The following STAU2 variants were observed in gnomAD, a reference collection of about 807,000 sequenced individuals.
The protein encoded by STAU2 is staufen double-stranded RNA binding protein 2.
Under a neutral mutation model 65.9 loss-of-function variants are expected in STAU2, and 20 were observed. The observed-to-expected ratio is 0.30, with a 90% confidence interval of 0.21 to 0.44. The LOEUF is 0.44. Ranked by LOEUF, STAU2 falls within the 20% of genes least tolerant of loss-of-function variation. STAU2 has a pLI of 1.00. For missense variants in STAU2, 558 were observed against 683.9 expected, an observed-to-expected ratio of 0.82 and a Z score of 2.05; for synonymous variants, 232 against 233.9, an observed-to-expected ratio of 0.99 and a Z score of 0.07.
intron 6 of STAU2, among the ~76,000 whole-genome samples, chr8:73,649,332 T>G (rs560622269): frequency 2.2e-4 from 33 of 152,318 alleles, no homozygotes; most frequent in African/African-American, 7.0e-4. Context: ...TGCTTACCAT[T>G]TAAGTAAAGA....
chr8:73,672,348 GT>G (rs1263181570), intron 6 of STAU2: 1 of 145,114 alleles, frequency 6.9e-6, no homozygotes, highest in African/African-American at 2.6e-5. Context: ...AGAAGGATGT[GT>G]CAAAGACAAA....
chr8:73,470,127 A>G (rs1389284406), intron 13 of STAU2, among the ~76,000 whole-genome samples: 1 of 152,130 alleles, frequency 6.6e-6, no homozygotes, highest in Non-Finnish European at 1.5e-5. Flanking sequence ...TCTTCTTTAC[A>G]CTAGTGAATT....
intron 13 of STAU2, among the ~76,000 whole-genome samples, chr8:73,483,970 C>A (rs1820780156): frequency 6.6e-6 from 1 of 152,054 alleles, no homozygotes; most frequent in Non-Finnish European, 1.5e-5. Flanking sequence ...TCAGCCACAG[C>A]GTCAGGAAGG....
intron 13 of STAU2, among the ~76,000 whole-genome samples, chr8:73,446,921 T>A (rs1406405423): frequency 6.6e-6 from 1 of 152,152 alleles, no homozygotes; most frequent in Non-Finnish European, 1.5e-5. Flanking sequence ...GTGGTGTGCA[T>A]CTTATTTGTT....
At chr8:73,544,966 A>G (rs2128939278) in intron 13 of STAU2, among the ~76,000 whole-genome samples, 1 of 152,294 alleles carries the variant, frequency 6.6e-6, no homozygotes, top group South Asian at 2.1e-4. Flanking sequence ...ATGTTTAGCA[A>G]GTTTAGCATG....
At chr8:73,500,404 T>TA (rs1409842878) in intron 13 of STAU2, among the ~76,000 whole-genome samples, 5 of 151,918 alleles carry the variant, frequency 3.3e-5, no homozygotes, top group Non-Finnish European at 7.4e-5. Context: ...ATTTTTTTTT[T>TA]CCAATTATTT....
chr8:73,501,179 C>T (rs1020529584), intron 13 of STAU2, among the ~76,000 whole-genome samples: 7 of 151,480 alleles, frequency 4.6e-5, no homozygotes, highest in Non-Finnish European at 1.0e-4. Flanking sequence ...GCAAACTTTC[C>T]TACTTAAAAA....
intron 8 of STAU2, among the ~76,000 whole-genome samples, chr8:73,614,724 C>T (rs1478075798): frequency 2.0e-5 from 3 of 151,940 alleles, no homozygotes; most frequent in Admixed American, 2.0e-4. Flanking sequence ...AATAATAAAA[C>T]TGTCTGTTCT....
At chr8:73,508,068 C>A (rs1822169899) in intron 13 of STAU2, among the ~76,000 whole-genome samples, 1 of 152,188 alleles carries the variant, frequency 6.6e-6, no homozygotes, top group Non-Finnish European at 1.5e-5. Flanking sequence ...CCATATCAGC[C>A]ATAAGGCTGT....
chr8:73,636,427 T>C (rs953820956), intron 6 of STAU2, among the ~76,000 whole-genome samples: 1 of 151,896 alleles, frequency 6.6e-6, no homozygotes, highest in Non-Finnish European at 1.5e-5. Flanking sequence ...TAATAGAATC[T>C]AGGTTCTACA....
chr8:73,494,588 G>A (rs1821306090), intron 13 of STAU2, among the ~76,000 whole-genome samples: 2 of 151,718 alleles, frequency 1.3e-5, no homozygotes, highest in Admixed American at 6.6e-5. Context: ...GTTCATCTAT[G>A]GCAAATGTCA....
At chr8:73,451,402 C>T (rs1239686825) in intron 13 of STAU2, among the ~76,000 whole-genome samples, 1 of 151,976 alleles carries the variant, frequency 6.6e-6, no homozygotes, top group Non-Finnish European at 1.5e-5. Context: ...CCACTGAGCT[C>T]AGTTGGGGAA....
At position 73,677,487 on chromosome 8, in the gene STAU2, C is replaced by T. The variant is rs1818104621; in HGVS notation, c.275-4245G>A. ...AATATGTAAATTATGTATACTTATG[C>T]AATAGAATACTACATAGCAATGAAA... is the stretch of plus-strand genomic sequence containing the variant. On this transcript the variant is annotated intron_variant, in intron 5 of 14. Coordinates refer to ENST00000524300, the MANE Select transcript of STAU2 (RefSeq NM_001164380.2). Among the ~76,000 whole-genome samples, 5 of 152,062 alleles carry T rather than the reference C, an allele frequency of 3.3e-5. No homozygotes were observed. The South Asian group carries it at 1.0e-3, about 32-fold the overall frequency.
rs1554595598 is a variant in STAU2 at position 73,481,524 on chromosome 8, A to AAAC, written c.1531-58823_1531-58822insGTT. Among the ~76,000 whole-genome samples the AAAC allele has an allele frequency of 3.3e-5, 5 of 150,266 alleles. 1 individual carries two copies. Among genetic ancestry groups the AAAC allele is most frequent in the South Asian group, 4.4e-4 (2 of 4,596 alleles). ...CCAAAAAAACAAAAAAACAAAAAAA[A>AAAC]AAAACACTTTTTTTGAGTGAACCAA... On this transcript the variant is annotated intron_variant, in intron 13 of 14. Transcript: ENST00000524300.
intron 13 of STAU2, among the ~76,000 whole-genome samples, chr8:73,500,971 G>A (rs1033982856): frequency 6.6e-6 from 1 of 151,830 alleles, no homozygotes; most frequent in African/African-American, 2.4e-5. Flanking sequence ...ATTTCAAAAT[G>A]TTTTATTATA....
chr8:73,576,343 T>C (rs1043934351), intron 12 of STAU2, among the ~76,000 whole-genome samples: 1 of 151,298 alleles, frequency 6.6e-6, no homozygotes, highest in Admixed American at 6.6e-5. Flanking sequence ...CAATCTTAAG[T>C]GGGGGGCGGG....
At chr8:73,639,875 A>G (rs1358555812) in intron 6 of STAU2, among the ~76,000 whole-genome samples, 1 of 152,154 alleles carries the variant, frequency 6.6e-6, no homozygotes, top group Non-Finnish European at 1.5e-5. Context: ...CAAATAGAAT[A>G]CAAATAGATA....
At chr8:73,422,085 G>A (rs1816423922) in intron 14 of STAU2, among the ~76,000 whole-genome samples, 1 of 151,938 alleles carries the variant, frequency 6.6e-6, no homozygotes, top group Non-Finnish European at 1.5e-5. Flanking sequence ...AATTACGACA[G>A]CTGCATCTTT....
intron 6 of STAU2, among the ~76,000 whole-genome samples, chr8:73,636,853 C>G (rs1479143646): frequency 6.9e-6 from 1 of 145,786 alleles, no homozygotes; most frequent in Non-Finnish European, 1.5e-5. Context: ...ACAGAGGAGA[C>G]TCTGTATTCA....
Sources: allele counts gnomAD v4.1 joint callset (sites outside exome capture counted in the v4.1 genomes callset), GRCh38; gene constraint gnomAD v4.1.1; transcripts MANE v1.5; gene names NCBI Gene and HGNC (gene_info 2026-07-23, HGNC 2026-07-21).